Variants in COL19A1 observed in about 807,000 individuals in gnomAD.
COL19A1 encodes collagen alpha-1(XIX) chain.
Under a neutral mutation model 190.2 loss-of-function variants are expected in COL19A1, and 159 were observed. The ratio of observed to expected loss-of-function variants is 0.84; its 90% CI spans 0.73 to 0.95. The LOEUF is 0.95. COL19A1 is among the 40% of genes least tolerant of loss of function. The probability of loss-of-function intolerance (pLI) is 0.00; values close to 1 mark genes in which losing one functional copy is unlikely to be tolerated. For synonymous variants in COL19A1, 509 were observed against 458.9 expected (o/e 1.11, Z -1.39); for missense variants, 1,418 against 1,431.9 (o/e 0.99, Z 0.16).
intron 18 of COL19A1, among the ~76,000 whole-genome samples, chr6:70,134,386 T>TA (rs911320120): frequency 6.6e-6 from 1 of 152,184 alleles, no homozygotes; most frequent in Non-Finnish European, 1.5e-5. Flanking sequence ...AAACAATACT[T>TA]ACGTAGCTTC....
At chr6:70,120,156 C>T (rs1008523115) in intron 16 of COL19A1, among the ~76,000 whole-genome samples, 1 of 152,116 alleles carries the variant, frequency 6.6e-6, no homozygotes, top group Non-Finnish European at 1.5e-5. Flanking sequence ...ATTTGGGAGA[C>T]TGTATTATTA....
chr6:70,000,491 T>C lies in COL19A1; in HGVS notation c.1027-23136T>C, dbSNP rs191721880. On this transcript the variant is annotated intron_variant, in intron 11 of 50. Transcript: ENST00000620364. The stretch of plus-strand genomic sequence containing the variant: ...CTAATTTACATTCCCACCAACAGTG[T>C]AAAAGCATTCCTATTTCTCCACAGC... Among the ~76,000 whole-genome samples, 22 of 152,328 alleles carry C rather than the reference T, an allele frequency of 1.4e-4. No individual in the cohort carries two copies. In the East Asian group the frequency reaches 4.2e-3, roughly 29 times the overall value.
intron 11 of COL19A1, among the ~76,000 whole-genome samples, chr6:70,018,159 G>A (rs1778222085): frequency 6.6e-6 from 1 of 152,094 alleles, no homozygotes; most frequent in Non-Finnish European, 1.5e-5. Flanking sequence ...GAAAACACAG[G>A]TTGAAAGATT....
At position 69,987,416 on chromosome 6, in the gene COL19A1, C is replaced by T. The variant is rs191161026; in HGVS notation, c.1026+24546C>T. 7.9e-3 allele frequency among the ~76,000 whole-genome samples: 1,202 copies of T among 152,258 alleles called. 3 individuals carry two copies. The highest frequency in any genetic ancestry group is 0.014 in the Non-Finnish European group (926 of 68,020). ...TAGACTTATTCTTGACCCAGACATA[C>T]GGCTATACTGAAGGAAAATTCATCA... On this transcript the variant is annotated intron_variant, in intron 11 of 50. Transcript: ENST00000620364.
Position 70,207,338 on chromosome 6 carries a change from G to C in COL19A1, c.*64G>C. On this transcript the variant is annotated 3_prime_UTR_variant, in exon 51 of 51. Transcript: ENST00000620364. ...TTGCCACTGGAGCTCTCTTAATACC[G>C]TCAAACCCTCATCATCTGTGGGTTG... 5.9e-6 allele frequency: 7 copies of C among 1,180,198 alleles called. No individual in the cohort carries two copies. The highest frequency in any genetic ancestry group is 6.1e-5 in the East Asian group (2 of 32,610). The allele number at this position is 1,180,198 out of a possible 1,614,324, so 73.1% of individuals were successfully genotyped here.
chr6:70,118,706 A>G (rs1488369821), intron 16 of COL19A1, among the ~76,000 whole-genome samples: 2 of 152,248 alleles, frequency 1.3e-5, no homozygotes, highest in Non-Finnish European at 2.9e-5. Context: ...AGCAGAACAT[A>G]TGAAAATGTA....
intron 16 of COL19A1, among the ~76,000 whole-genome samples, chr6:70,109,688 TTGAG>T (rs1380664008): frequency 6.6e-6 from 1 of 152,070 alleles, no homozygotes; most frequent in Non-Finnish European, 1.5e-5. Flanking sequence ...TCTTTAGTCT[TTGAG>T]TGGACGGGGA....
chr6:70,025,220 C>T (rs1322227587), intron 12 of COL19A1, among the ~76,000 whole-genome samples: 1 of 151,980 alleles, frequency 6.6e-6, no homozygotes, highest in African/African-American at 2.4e-5. Context: ...TTAGTAGAGA[C>T]GGGGTTTCAC....
intron 15 of COL19A1, among the ~76,000 whole-genome samples, chr6:70,081,314 A>G (rs762583514): frequency 1.1e-4 from 17 of 152,228 alleles, no homozygotes; most frequent in South Asian, 4.1e-4. Context: ...ATTACCTATA[A>G]TGGGCTTTCT....
At chr6:69,869,375 G>T (rs1317141281) in intron 1 of COL19A1, among the ~76,000 whole-genome samples, 2 of 152,198 alleles carry the variant, frequency 1.3e-5, no homozygotes, top group Admixed American at 6.5e-5. Flanking sequence ...AGGTGAGCAA[G>T]TTGCATATTA....
At position 70,151,432 on chromosome 6, in the gene COL19A1, G is replaced by T. The variant is rs1380876345; in HGVS notation, c.2073G>T (p.Leu691Phe). The T allele has an allele frequency of 5.0e-6, 8 of 1,612,632 alleles. No homozygotes were observed. The highest frequency in any genetic ancestry group is 1.7e-5 in the Admixed American group (1 of 59,946). The change falls in exon 31 of 51, where the codon TTG (leucine) becomes TTT (phenylalanine). Residue 691 changes from leucine (L) to phenylalanine (F), a missense_variant. By Grantham distance (22) the Leu-to-Phe change is conservative. Transcript: ENST00000620364. ...ALPLLGDIGA[L>F]LKNFCGNCQA... ...CTCTCTTGGGAGACATCGGTGCTTT[G>T]CTCAAGGTACTCTATTGCTATGTAA...
chr6:69,887,039 C>G (rs976829650), intron 2 of COL19A1, among the ~76,000 whole-genome samples: 1 of 152,046 alleles, frequency 6.6e-6, no homozygotes, highest in Non-Finnish European at 1.5e-5. Flanking sequence ...TGTAGAAAGA[C>G]TTTAATAAAT....
chr6:70,168,195 C>A lies in COL19A1; in HGVS notation c.2521C>A (p.Pro841Thr). ...GGGAGGTGTGAATGTTCCCAGTTAC[C>A]CAGGGCCACCCGGTCCTCCTGTAAG... ...IKGGVNVPSY[P>T]GPPGPPGPKG... is the part of the protein sequence containing the mutation. The change falls in exon 39 of 51, where the codon CCA (proline) becomes ACA (threonine). Residue 841 changes from proline to threonine, a missense_variant. By Grantham distance (38) the Pro-to-Thr change is conservative. Transcript: ENST00000620364. 6.2e-7 allele frequency: 1 copy of A among 1,612,362 alleles called. No individual in the cohort carries two copies. Among genetic ancestry groups the A allele is most frequent in the Non-Finnish European group, 8.5e-7 (1 of 1,179,280 alleles).
intron 4 of COL19A1, among the ~76,000 whole-genome samples, chr6:69,921,284 C>CAT (rs1554166065): frequency 1.7e-3 from 216 of 129,142 alleles, no homozygotes; most frequent in African/African-American, 6.1e-3. Flanking sequence ...TATCATATAT[C>CAT]ATATATCATA....
In COL19A1 at chr6:70,168,163, T is replaced by G. The variant is rs773525903; in HGVS notation, c.2497-8T>G. 9.3e-6 allele frequency: 15 copies of G among 1,612,752 alleles called. No individual in the cohort carries two copies. Among genetic ancestry groups the G allele is most frequent in the Non-Finnish European group, 8.5e-6 (10 of 1,179,406 alleles). On this transcript the variant is annotated splice_polypyrimidine_tract_variant and splice_region_variant and intron_variant, in intron 38 of 50. Coordinates refer to ENST00000620364, the MANE Select transcript of COL19A1 (RefSeq NM_001858.6). ...CTCTTTTTCTTTTCTTTTCATTTTC[T>G]TTTGAAGGGAGGTGTGAATGTTCCC...
intron 6 of COL19A1, 67 bp from the exon 7 acceptor site, chr6:69,932,716 A>G (rs1023229809): frequency 1.2e-6 from 1 of 800,190 alleles, no homozygotes; most frequent in Non-Finnish European, 2.1e-6. Context: ...AAATTACTGT[A>G]GTTCTTAACT....
At chr6:70,186,874 T>C (rs1306081503) in intron 46 of COL19A1, among the ~76,000 whole-genome samples, 1 of 152,116 alleles carries the variant, frequency 6.6e-6, no homozygotes, top group East Asian at 1.9e-4. Flanking sequence ...TGATTCTTGT[T>C]TTTTTGTTTT....
intron 4 of COL19A1, among the ~76,000 whole-genome samples, chr6:69,912,558 A>G (rs1771013595): frequency 6.6e-6 from 1 of 152,148 alleles, no homozygotes; most frequent in Non-Finnish European, 1.5e-5. Context: ...GTGAGACCCA[A>G]CCAACCTCTG....
chr6:69,896,543 CAAAAAAAAAAAAA>C (rs61409385), intron 2 of COL19A1, among the ~76,000 whole-genome samples: 4 of 71,684 alleles, frequency 5.6e-5, no homozygotes, highest in South Asian at 5.2e-4. Context: ...GACTCCGTCT[CAAAAAAAAAAAAA>C]AAAAAAAAAA....
Sources: allele counts gnomAD v4.1 joint callset (sites outside exome capture counted in the v4.1 genomes callset), GRCh38; gene constraint gnomAD v4.1.1; transcripts MANE v1.5; gene names NCBI Gene and HGNC (gene_info 2026-07-23, HGNC 2026-07-21).